Variants in NXN observed in about 807,000 individuals in gnomAD.
The protein encoded by NXN is nucleoredoxin.
NXN carries 16 observed loss-of-function variants against 48.6 expected under a neutral mutation model. The ratio of observed to expected loss-of-function variants is 0.33; its 90% CI spans 0.22 to 0.50. The LOEUF is 0.50. Among genes scored for constraint, NXN ranks in the 20% least tolerant of loss-of-function variants. The probability of loss-of-function intolerance (pLI) is 0.98; values close to 1 mark genes in which losing one functional copy is unlikely to be tolerated. For missense variants in NXN, 492 were observed against 605.5 expected (o/e 0.81, Z 1.97); for synonymous variants, 281 against 269.6 (o/e 1.04, Z -0.41).
At chr17:949,860 C>T (rs1037850611) in intron 1 of NXN, among the ~76,000 whole-genome samples, 2 of 151,278 alleles carry the variant, frequency 1.3e-5, no homozygotes, top group Non-Finnish European at 2.9e-5. Context: ...GGTGGGAAGA[C>T]GCCATGCATT....
intron 7 of NXN, among the ~76,000 whole-genome samples, chr17:802,557 C>A (rs1911262209): frequency 6.6e-6 from 1 of 152,260 alleles, no homozygotes; most frequent in Non-Finnish European, 1.5e-5. Flanking sequence ...CCGGCCCCTG[C>A]TGTGCTGCAG....
chr17:889,699 AAAAGAAAGAAAGAAAGAAAGAAAG>A (rs201931057), intron 1 of NXN, among the ~76,000 whole-genome samples: 24 of 126,558 alleles, frequency 1.9e-4, no homozygotes, highest in Non-Finnish European at 3.8e-4. Context: ...GAAAGAAAGA[AAAAGAAAGAAAGAAAGAAAGAAAG>A]AAAGAAAGAA....
In NXN at chr17:830,063, G is replaced by A. The variant is rs1048202810; in HGVS notation, c.361-3985C>T. Among the ~76,000 whole-genome samples, 12 of 152,150 alleles carry A rather than the reference G, an allele frequency of 7.9e-5. No homozygotes were observed. The highest frequency in any genetic ancestry group is 2.7e-4 in the African/African-American group (11 of 41,450). ...AATCACCACACTGTCCTCCACAATGGTTGAACTAATTGACCCTCCCACCAA... is the reference window on the plus strand; with the variant it reads ...AATCACCACACTGTCCTCCACAATGATTGAACTAATTGACCCTCCCACCAA... On this transcript the variant is annotated intron_variant, in intron 1 of 7. Transcript: ENST00000336868. This position sits in a 1 kb window ranked among gnomAD's most constrained non-coding sequence, Gnocchi z 4.2.
chr17:971,007 T>C (rs2069370381), intron 1 of NXN, among the ~76,000 whole-genome samples: 2 of 149,098 alleles, frequency 1.3e-5, no homozygotes, highest in South Asian at 4.3e-4. Flanking sequence ...AGTACAGTGG[T>C]GCGATCTCGG....
At chr17:934,449 G>GA (rs145868182) in intron 1 of NXN, among the ~76,000 whole-genome samples, 42,102 of 138,414 alleles carry the variant, frequency 0.3, 6,555 homozygotes, top group East Asian at 0.53. Flanking sequence ...CTGTCTCAAA[G>GA]AAAAAAAAAA....
rs578084068 is a variant in NXN at position 823,513 on chromosome 17, G to C, written c.612+119C>G. The stretch of plus-strand genomic sequence containing the variant: ...AACCAGGCCTCGGGCACAGGAGAAG[G>C]CCAGAAGGCCGGGAAATTCCTGCCT... On this transcript the variant is annotated intron_variant, in intron 3 of 7. Transcript: ENST00000336868. 3 of 1,144,260 alleles carry C rather than the reference G, an allele frequency of 2.6e-6. No homozygotes were observed. In the Admixed American group the frequency reaches 7.0e-5, roughly 27 times the overall value. 70.9% of individuals were successfully genotyped at this position (1,144,260 alleles called of 1,614,324 possible). A position where few individuals can be genotyped will look rare whatever the true frequency, so the allele number is the denominator to read the frequency against.
At chr17:866,267 A>G (rs2068094792) in intron 1 of NXN, among the ~76,000 whole-genome samples, 1 of 152,040 alleles carries the variant, frequency 6.6e-6, no homozygotes, top group African/African-American at 2.4e-5. Context: ...AATGCACAGA[A>G]GATATTTCAG....
At chr17:842,951 GGAAA>G (rs1194644564) in intron 1 of NXN, among the ~76,000 whole-genome samples, 4 of 127,760 alleles carry the variant, frequency 3.1e-5, no homozygotes, top group Admixed American at 8.1e-5. Context: ...AAAAAAGAAA[GGAAA>G]GAAAGAAAGA....
intron 5 of NXN, among the ~76,000 whole-genome samples, chr17:818,842 A>G (rs1912642289): frequency 6.6e-6 from 1 of 150,680 alleles, no homozygotes; most frequent in African/African-American, 2.5e-5. Flanking sequence ...CGGAGATCGC[A>G]CCACTGCACT....
chr17:822,800 G>C (rs1319899831), intron 3 of NXN, among the ~76,000 whole-genome samples: 1 of 152,152 alleles, frequency 6.6e-6, no homozygotes, highest in Admixed American at 6.6e-5. Context: ...CATCCACATG[G>C]ATTGAGAGAA....
chr17:949,733 C>T (rs1048608826), intron 1 of NXN, among the ~76,000 whole-genome samples: 13 of 148,504 alleles, frequency 8.8e-5, no homozygotes, highest in African/African-American at 2.5e-4. Context: ...CTCCTCTCCC[C>T]GCGGGCCTCC....
intron 5 of NXN, among the ~76,000 whole-genome samples, chr17:816,781 G>A (rs530246383): frequency 3.3e-5 from 5 of 152,190 alleles, no homozygotes; most frequent in South Asian, 2.1e-4. Context: ...AGCAATGAAC[G>A]AATAAATGAA....
intron 1 of NXN, among the ~76,000 whole-genome samples, chr17:827,600 G>A (rs921073933): frequency 1.3e-5 from 2 of 152,250 alleles, no homozygotes; most frequent in Non-Finnish European, 2.9e-5. Flanking sequence ...TCCAGCCTGG[G>A]TGACAGAGTG....
intron 1 of NXN, among the ~76,000 whole-genome samples, chr17:866,308 C>T (rs535554440): frequency 3.3e-5 from 5 of 152,144 alleles, no homozygotes; most frequent in Admixed American, 6.5e-5. Context: ...TAAGGCTGGG[C>T]GCAGTGGCTC....
chr17:870,840 T>G (rs1483726025), intron 1 of NXN, among the ~76,000 whole-genome samples: 1 of 151,854 alleles, frequency 6.6e-6, no homozygotes, highest in Non-Finnish European at 1.5e-5. Flanking sequence ...CTTCTGGTGC[T>G]ACATGCTTTT....
In NXN at chr17:856,314, T is replaced by A. The variant is rs114262877; in HGVS notation, c.361-30236A>T. On this transcript the variant is annotated intron_variant, in intron 1 of 7. Coordinates refer to ENST00000336868, the MANE Select transcript of NXN (RefSeq NM_022463.5). ...AGACGGACATTCTAAAGTCAAAGCC[T>A]CTGCAAACACAAAACAAACTCCACA... Among the ~76,000 whole-genome samples, 1,266 of 152,192 alleles carry A rather than the reference T, an allele frequency of 8.3e-3. 26 individuals carry two copies. Among genetic ancestry groups the A allele is most frequent in the African/African-American group, 0.029 (1,212 of 41,524 alleles).
intron 1 of NXN, among the ~76,000 whole-genome samples, chr17:851,996 A>G (rs2144749789): frequency 6.6e-6 from 1 of 152,326 alleles, no homozygotes; most frequent in East Asian, 1.9e-4. Flanking sequence ...AAAAGCTGGA[A>G]AAAGCACGCT....
At chr17:826,738 G>A (rs542229941) in intron 1 of NXN, among the ~76,000 whole-genome samples, 81 of 152,052 alleles carry the variant, frequency 5.3e-4, no homozygotes, top group South Asian at 1.9e-3. Context: ...TCGTCGTTAC[G>A]TTCAGCCCAC....
At chr17:901,334 G>T (rs2144898556) in intron 1 of NXN, among the ~76,000 whole-genome samples, 1 of 152,278 alleles carries the variant, frequency 6.6e-6, no homozygotes, top group East Asian at 1.9e-4. Context: ...TGGAATAACA[G>T]TATCTGGCAC....
Sources: allele counts gnomAD v4.1 joint callset (sites outside exome capture counted in the v4.1 genomes callset), GRCh38; gene constraint gnomAD v4.1.1; non-coding constraint Gnocchi (gnomAD v3.1); transcripts MANE v1.5; gene names NCBI Gene and HGNC (gene_info 2026-07-23, HGNC 2026-07-21).